Variants in DIP2C observed in about 807,000 individuals in gnomAD.
The protein encoded by DIP2C is disco-interacting protein 2 homolog C.
In DIP2C, 33 loss-of-function variants were observed where a neutral mutation model predicts 192.4. That is an observed-to-expected ratio of 0.17 (90% CI 0.13 to 0.23). DIP2C has a LOEUF of 0.23. Among genes scored for constraint, DIP2C ranks in the 10% least tolerant of loss-of-function variants. The pLI is 1.00. For missense variants in DIP2C, 1,537 were observed against 2,110.1 expected, an observed-to-expected ratio of 0.73 and a Z score of 5.32; for synonymous variants, 979 against 864.1, an observed-to-expected ratio of 1.13 and a Z score of -2.33.
intron 34 of DIP2C, among the ~76,000 whole-genome samples, chr10:283,957 G>A (rs887387680): frequency 6.6e-6 from 1 of 152,238 alleles, no homozygotes; most frequent in African/African-American, 2.4e-5. Context: ...GAAAATGCCT[G>A]ATGTCTGACA....
At chr10:640,198 C>G (rs1855093603) in intron 1 of DIP2C, among the ~76,000 whole-genome samples, 1 of 152,246 alleles carries the variant, frequency 6.6e-6, no homozygotes, top group Admixed American at 6.5e-5. Context: ...AGTGCCTGAA[C>G]GTCCCCACGG....
At chr10:488,885 G>A (rs146473094) in intron 1 of DIP2C, among the ~76,000 whole-genome samples, 167 of 152,280 alleles carry the variant, frequency 1.1e-3, no homozygotes, top group African/African-American at 3.7e-3. Context: ...GTGCTCCTGC[G>A]TGTACCACAT....
At chr10:650,129 G>T in intron 1 of DIP2C, 1 of 717,330 alleles carries the variant, frequency 1.4e-6, no homozygotes, top group Non-Finnish European at 2.6e-6. Context: ...CTCCCGTTGG[G>T]ACAAGGACCC....
intron 1 of DIP2C, among the ~76,000 whole-genome samples, chr10:542,924 A>AG (rs1460462049): frequency 6.6e-6 from 1 of 152,180 alleles, no homozygotes; most frequent in Non-Finnish European, 1.5e-5. Flanking sequence ...TATATACCAC[A>AG]GATCATCAGA....
At chr10:304,838 CAT>C (rs1956233679) in intron 32 of DIP2C, among the ~76,000 whole-genome samples, 1 of 152,252 alleles carries the variant, frequency 6.6e-6, no homozygotes, top group Non-Finnish European at 1.5e-5. Context: ...TGCAAACCCT[CAT>C]ATACTTGTAC....
In DIP2C at chr10:444,088, G is replaced by A. The variant is rs1040688004; in HGVS notation, c.269-3092C>T. On this transcript the variant is annotated intron_variant, in intron 3 of 36. Transcript: ENST00000280886. Reference sequence around the variant, plus strand: ...GAGGCGTGTTCACTGGTGCTCTTCCGTCACCTGAGACTCGTGTAGATTCCC... The same window carrying A: ...GAGGCGTGTTCACTGGTGCTCTTCCATCACCTGAGACTCGTGTAGATTCCC... Among the ~76,000 whole-genome samples, 60 of 152,010 alleles carry A rather than the reference G, an allele frequency of 3.9e-4. 1 individual carries two copies. Among genetic ancestry groups the A allele is most frequent in the Non-Finnish European group, 6.0e-4 (41 of 67,962 alleles).
chr10:687,899 G>A (rs1831392413), intron 1 of DIP2C, among the ~76,000 whole-genome samples: 1 of 152,208 alleles, frequency 6.6e-6, no homozygotes, highest in African/African-American at 2.4e-5. Flanking sequence ...GCTACGCTCT[G>A]CTGACCTGGA....
intron 22 of DIP2C, among the ~76,000 whole-genome samples, chr10:362,012 G>A (rs1423181683): frequency 4.6e-5 from 7 of 151,796 alleles, no homozygotes; most frequent in Admixed American, 1.3e-4. Context: ...GGGAGGGGGC[G>A]GAAACAAACT....
intron 1 of DIP2C, among the ~76,000 whole-genome samples, chr10:619,541 G>GCCCGCCCTCCCTCCCTCCCTCCCTCCCT: frequency 1.5e-5 from 1 of 67,894 alleles, no homozygotes; most frequent in African/African-American, 3.5e-5. Flanking sequence ...CCGCCCGCCC[G>GCCCGCCCTCCCTCCCTCCCTCCCTCCCT]CCCTCCCACC....
chr10:361,624 A>G (rs1397644078), intron 22 of DIP2C, among the ~76,000 whole-genome samples: 1 of 152,102 alleles, frequency 6.6e-6, no homozygotes, highest in Non-Finnish European at 1.5e-5. Context: ...AACAGTGGGG[A>G]GAGAGGATCA....
At chr10:448,403 A>G (rs1968503967) in intron 3 of DIP2C, among the ~76,000 whole-genome samples, 1 of 142,686 alleles carries the variant, frequency 7.0e-6, no homozygotes. Context: ...GTGGGGCAGC[A>G]GGACCCACTC....
chr10:464,132 A>G (rs1368918618), intron 3 of DIP2C, among the ~76,000 whole-genome samples: 1 of 152,230 alleles, frequency 6.6e-6, no homozygotes, highest in Non-Finnish European at 1.5e-5. Flanking sequence ...AACAAAAGCC[A>G]AAATTGACAA....
intron 1 of DIP2C, among the ~76,000 whole-genome samples, chr10:535,115 G>T (rs544442181): frequency 5.3e-5 from 8 of 152,160 alleles, no homozygotes; most frequent in Admixed American, 2.6e-4. Flanking sequence ...CAGCACCCGG[G>T]TTTGCAGGAT....
Position 387,746 on chromosome 10 carries a change from G to A in DIP2C, c.1661C>T (p.Thr554Ile). 6.2e-7 allele frequency: 1 copy of A among 1,614,186 alleles called. No homozygotes were observed. Among genetic ancestry groups the A allele is most frequent in the Non-Finnish European group, 8.5e-7 (1 of 1,180,032 alleles). ...KDVGLWHGILTSVMNMMHVIS... is the reference protein window; with the variant it reads ...KDVGLWHGILISVMNMMHVIS... Reference sequence around the variant, plus strand: ...CACGGCCGGGGGGACCTCACTTACTGTCAGGATGCCATGCCAGAGCCCGAC... The same window carrying A: ...CACGGCCGGGGGGACCTCACTTACTATCAGGATGCCATGCCAGAGCCCGAC... Residue 554 changes from threonine to isoleucine, a missense_variant and splice_region_variant, in exon 14 of 37, where the codon ACA becomes ATA. Physicochemically the swap from Thr to Ile is moderately conservative, Grantham distance 89 (BLOSUM62 -1). Coordinates refer to ENST00000280886, the MANE Select transcript of DIP2C (RefSeq NM_014974.3).
intron 2 of DIP2C, among the ~76,000 whole-genome samples, chr10:485,898 T>C (rs1843981893): frequency 6.6e-6 from 1 of 152,252 alleles, no homozygotes; most frequent in Non-Finnish European, 1.5e-5. Flanking sequence ...GAGATTCTTT[T>C]TCCTGACATT....
At chr10:531,289 C>T (rs1263504227) in intron 1 of DIP2C, among the ~76,000 whole-genome samples, 1 of 152,108 alleles carries the variant, frequency 6.6e-6, no homozygotes, top group East Asian at 1.9e-4. Flanking sequence ...AACGTTCAGA[C>T]ATTCCACGAA....
At chr10:510,946 T>C (rs1022190748) in intron 1 of DIP2C, among the ~76,000 whole-genome samples, 1 of 152,228 alleles carries the variant, frequency 6.6e-6, no homozygotes, top group Admixed American at 6.5e-5. Context: ...TTGCCACTCA[T>C]GTCTTTATCT....
chr10:367,333 C>A (rs577186152), intron 18 of DIP2C, among the ~76,000 whole-genome samples: 9 of 151,092 alleles, frequency 6.0e-5, no homozygotes, highest in African/African-American at 1.5e-4. Flanking sequence ...AGGAGAATGG[C>A]GTGAACCCGG....
intron 1 of DIP2C, chr10:650,078 G>C (rs1342474060): frequency 1.4e-6 from 1 of 714,838 alleles, no homozygotes; most frequent in Admixed American, 2.0e-5. Context: ...CCCAGTTCCA[G>C]GAGAGAAAAT....
Sources: allele counts gnomAD v4.1 joint callset (sites outside exome capture counted in the v4.1 genomes callset), GRCh38; gene constraint gnomAD v4.1.1; transcripts MANE v1.5; gene names NCBI Gene and HGNC (gene_info 2026-07-23, HGNC 2026-07-21).